The following DGKH variants were observed in gnomAD, a reference collection of about 807,000 sequenced individuals.
DGKH encodes DAG kinase eta.
In DGKH, 90 loss-of-function variants were observed where a neutral mutation model predicts 159.3. The ratio of observed to expected loss-of-function variants is 0.57; its 90% CI spans 0.48 to 0.67. DGKH has a LOEUF of 0.67. Ranked by LOEUF, DGKH falls within the 30% of genes least tolerant of loss-of-function variation. DGKH has a pLI of 0.00. For synonymous variants in DGKH, 536 were observed against 553.8 expected (o/e 0.97, Z 0.45); for missense variants, 1,181 against 1,506.1 (o/e 0.78, Z 3.57).
intron 30 of DGKH, among the ~76,000 whole-genome samples, chr13:42,254,335 A>G (rs541733223): frequency 6.6e-6 from 1 of 152,322 alleles, no homozygotes; most frequent in African/African-American, 2.4e-5. Context: ...AGCTTAAAAC[A>G]ATGGATATAT....
At position 42,194,869 on chromosome 13, in the gene DGKH, G is replaced by T; in HGVS notation, c.2036-16G>T. 6.2e-7 allele frequency: 1 copy of T among 1,602,974 alleles called. No individual in the cohort carries two copies. Among genetic ancestry groups the T allele is most frequent in the Non-Finnish European group, 8.5e-7 (1 of 1,176,328 alleles). ...TTTATCATTATCTCTTTTTAATCTG[G>T]ACTTTTTGCCAACAGTTAAAACTGC... On this transcript the variant is annotated splice_polypyrimidine_tract_variant and intron_variant, in intron 16 of 29. Coordinates refer to ENST00000337343, the MANE Select transcript of DGKH (RefSeq NM_178009.5).
At chr13:42,163,867 T>A (rs1030090015) in intron 7 of DGKH, among the ~76,000 whole-genome samples, 1 of 152,164 alleles carries the variant, frequency 6.6e-6, no homozygotes, top group Non-Finnish European at 1.5e-5. Context: ...TTTAGTTTAA[T>A]TAGATCCCAT....
intron 1 of DGKH, among the ~76,000 whole-genome samples, chr13:42,103,044 G>GTC (rs1954681305): frequency 2.0e-5 from 3 of 152,344 alleles, no homozygotes; most frequent in Non-Finnish European, 4.4e-5. Flanking sequence ...AGAAGCAGCA[G>GTC]GAATTAAGTG....
intron 14 of DGKH, among the ~76,000 whole-genome samples, chr13:42,187,868 C>CT (rs1289052118): frequency 6.6e-6 from 1 of 152,176 alleles, no homozygotes. Context: ...TCTTGCATTG[C>CT]TTTTTTCTTT....
At chr13:42,216,995 T>C (rs1179810993) in intron 26 of DGKH, among the ~76,000 whole-genome samples, 2 of 152,354 alleles carry the variant, frequency 1.3e-5, no homozygotes, top group Non-Finnish European at 2.9e-5. Flanking sequence ...TATGTTAATA[T>C]GGATGGACTT....
chr13:42,059,439 G>A (rs368299849), intron 1 of DGKH, among the ~76,000 whole-genome samples: 5 of 151,984 alleles, frequency 3.3e-5, no homozygotes, highest in East Asian at 1.9e-4. Context: ...TAGTAGAGAC[G>A]GGGTTTCTCT....
chr13:42,118,143 G>C (rs1208933269), intron 1 of DGKH, among the ~76,000 whole-genome samples: 3 of 152,150 alleles, frequency 2.0e-5, no homozygotes, highest in Admixed American at 6.5e-5. Flanking sequence ...CATGAACCCG[G>C]GAGGCGGAGC....
intron 20 of DGKH, among the ~76,000 whole-genome samples, chr13:42,204,399 G>C (rs1957414875): frequency 6.6e-6 from 1 of 152,158 alleles, no homozygotes; most frequent in South Asian, 2.1e-4. Flanking sequence ...ACCTGCTAAT[G>C]GTTAACACTG....
chr13:42,040,492 A>AGGAGGGGCGGCGGGGG (rs1396094431), intron 1 of DGKH, among the ~76,000 whole-genome samples: 8 of 147,614 alleles, frequency 5.4e-5, no homozygotes, highest in Non-Finnish European at 1.2e-4. Flanking sequence ...ACCCGCCGGG[A>AGGAGGGGCGGCGGGGG]GGAGGGGCGG....
At chr13:42,163,403 T>C (rs931622280) in intron 7 of DGKH, among the ~76,000 whole-genome samples, 9 of 152,120 alleles carry the variant, frequency 5.9e-5, no homozygotes, top group Non-Finnish European at 8.8e-5. Flanking sequence ...GGTCAAATGG[T>C]ATTTCTAGTT....
chr13:42,095,831 G>C (rs1005872472), intron 1 of DGKH, among the ~76,000 whole-genome samples: 4 of 152,190 alleles, frequency 2.6e-5, no homozygotes, highest in African/African-American at 9.7e-5. Flanking sequence ...TAGTTGGGAA[G>C]TAACTATGCA....
intron 1 of DGKH, among the ~76,000 whole-genome samples, chr13:42,112,782 C>T (rs543259144): frequency 2.0e-4 from 30 of 152,302 alleles, no homozygotes; most frequent in African/African-American, 5.5e-4. Context: ...CCCTTGTTCC[C>T]GCTGTAGTTC....
chr13:42,159,433 G>A, intron 6 of DGKH, 61 bp downstream of exon 6: 1 of 1,180,840 alleles, frequency 8.5e-7, no homozygotes, highest in Non-Finnish European at 1.3e-6. Flanking sequence ...TTCTGCTCTT[G>A]TGGAAGCTGA....
chr13:42,139,291 AG>A (rs1955479804), intron 3 of DGKH, among the ~76,000 whole-genome samples: 1 of 152,262 alleles, frequency 6.6e-6, no homozygotes, highest in Non-Finnish European at 1.5e-5. Context: ...GGCAAGACCC[AG>A]TGAGCATGTC....
intron 2 of DGKH, among the ~76,000 whole-genome samples, chr13:42,128,458 G>A (rs1168585208): frequency 1.3e-5 from 2 of 152,046 alleles, no homozygotes; most frequent in African/African-American, 4.8e-5. Context: ...GTTCAAAATT[G>A]TCCCTGATCT....
rs1469162855 is a variant in DGKH at position 42,235,349 on chromosome 13, T to A, written c.*6161T>A. On this transcript the variant is annotated 3_prime_UTR_variant, in exon 30 of 30. Coordinates refer to ENST00000337343, the MANE Select transcript of DGKH (RefSeq NM_178009.5). ...AAACTTCACATAAAATATTTCATTTTAGCTACAAGTTATTCATTGCATAGG... is the reference window on the plus strand; with the variant it reads ...AAACTTCACATAAAATATTTCATTTAAGCTACAAGTTATTCATTGCATAGG... The A allele has an allele frequency of 6.6e-6, 1 of 152,326 alleles. No homozygotes were observed. The highest frequency in any genetic ancestry group is 1.5e-5 in the Non-Finnish European group (1 of 68,002). 9.4% of individuals were successfully genotyped at this position (152,326 alleles called of 1,614,324 possible).
At chr13:42,186,697 C>A (rs897622722) in intron 13 of DGKH, among the ~76,000 whole-genome samples, 1 of 152,156 alleles carries the variant, frequency 6.6e-6, no homozygotes, top group African/African-American at 2.4e-5. Flanking sequence ...AATGTAATTT[C>A]TGTTATGAAA....
At chr13:42,125,944 C>G (rs1049393757) in intron 1 of DGKH, among the ~76,000 whole-genome samples, 1 of 151,728 alleles carries the variant, frequency 6.6e-6, no homozygotes, top group Non-Finnish European at 1.5e-5. Flanking sequence ...GTTCTACAAG[C>G]TGTTTTTGTC....
rs183193180 is a variant in DGKH, at chr13:42,229,547, G to A, written c.*359G>A. 5.8e-6 allele frequency: 1 copy of A among 171,434 alleles called. No homozygotes were observed. The highest frequency in any genetic ancestry group is 1.2e-5 in the Non-Finnish European group (1 of 81,188). 10.6% of individuals were successfully genotyped at this position (171,434 alleles called of 1,614,324 possible). A position where few individuals can be genotyped will look rare whatever the true frequency, so the allele number is the denominator to read the frequency against. ...GATGGAATGTTCCTACTGTGCAACT[G>A]CATAACAATATGTGGTTAAAACTTC... On this transcript the variant is annotated 3_prime_UTR_variant, in exon 30 of 30. Transcript: ENST00000337343.
Sources: allele counts gnomAD v4.1 joint callset (sites outside exome capture counted in the v4.1 genomes callset), GRCh38; gene constraint gnomAD v4.1.1; transcripts MANE v1.5; gene names NCBI Gene and HGNC (gene_info 2026-07-23, HGNC 2026-07-21).